The following DOCK10 variants were observed in gnomAD, a reference collection of about 807,000 sequenced individuals.
The protein encoded by DOCK10 is dedicator of cytokinesis protein 10.
Under a neutral mutation model 280.1 loss-of-function variants are expected in DOCK10, and 145 were observed. That is an observed-to-expected ratio of 0.52 (90% CI 0.45 to 0.59). The LOEUF is 0.59. DOCK10 is among the 20% of genes least tolerant of loss of function. The pLI is 0.00. For missense variants in DOCK10, 2,368 were observed against 2,651.7 expected (o/e 0.89, Z 2.35); for synonymous variants, 915 against 942.2 (o/e 0.97, Z 0.53).
At chr2:224,912,197 G>A (rs1483301679) in intron 3 of DOCK10, among the ~76,000 whole-genome samples, 8 of 150,874 alleles carry the variant, frequency 5.3e-5, no homozygotes, top group Non-Finnish European at 1.0e-4. Flanking sequence ...CTGGAATGAC[G>A]CGATCTCAGA....
intron 1 of DOCK10, chr2:224,983,595 T>G (rs1705861125): frequency 3.0e-6 from 1 of 332,818 alleles, no homozygotes; most frequent in Non-Finnish European, 6.1e-6. Context: ...TGCTGTAACG[T>G]GTGGCCGCCC....
intron 13 of DOCK10, 107 bp downstream of exon 13, chr2:224,864,446 G>A: frequency 9.2e-7 from 1 of 1,083,078 alleles, no homozygotes; most frequent in Non-Finnish European, 1.3e-6. Context: ...GGAGACAGAG[G>A]TTGCAGTGAG....
intron 4 of DOCK10, among the ~76,000 whole-genome samples, chr2:224,889,127 CTAT>C (rs1259496512): frequency 6.6e-6 from 1 of 152,180 alleles, no homozygotes; most frequent in African/African-American, 2.4e-5. Context: ...CTGAATCTGA[CTAT>C]TGAGAAAGGA....
In DOCK10 at chr2:224,770,225, C is replaced by A; in HGVS notation, c.6430G>T (p.Val2144Phe). The change falls in exon 55 of 56, where the codon GTC becomes TTC. Residue 2144 changes from valine to phenylalanine, a missense_variant. This residue lies in a region of DOCK10 where 1,159 missense variants were observed against 1,400.8 expected (regional missense o/e 0.83). Transcript: ENST00000258390. This position sits in a 1 kb window ranked among gnomAD's most constrained non-coding sequence, Gnocchi z 4.5. ...YKDMLSELST[V>F]MNEQITGRDD... Reference sequence around the variant, plus strand: ...GGAGCGCTCACCTGCTCATTCATGACTGTGGAGAGTTCGCTGAGCATGTCC... The same window carrying A: ...GGAGCGCTCACCTGCTCATTCATGAATGTGGAGAGTTCGCTGAGCATGTCC... The A allele has an allele frequency of 1.3e-6, 2 of 1,592,324 alleles. No individual in the cohort carries two copies. The highest frequency in any genetic ancestry group is 1.7e-6 in the Non-Finnish European group (2 of 1,170,044).
At chr2:225,018,933 A>T (rs1007288829) in intron 1 of DOCK10, among the ~76,000 whole-genome samples, 3 of 121,928 alleles carry the variant, frequency 2.5e-5, no homozygotes, top group African/African-American at 1.0e-4. Flanking sequence ...ATATAGTTAT[A>T]TATGTGTATA....
chr2:224,820,190 C>A (rs2125319387), intron 28 of DOCK10, among the ~76,000 whole-genome samples: 1 of 152,324 alleles, frequency 6.6e-6, no homozygotes, highest in South Asian at 2.1e-4. Flanking sequence ...CGTAAGATTT[C>A]TATCAGCGAG....
intron 41 of DOCK10, among the ~76,000 whole-genome samples, chr2:224,798,269 C>T (rs529880468): frequency 5.6e-4 from 85 of 152,224 alleles, no homozygotes; most frequent in African/African-American, 2.0e-3. Flanking sequence ...CATGTGAGCT[C>T]AAAGGGGCCT....
In DOCK10 at chr2:225,017,084, C is replaced by G. The variant is rs76790381; in HGVS notation, c.123+25168G>C. Among the ~76,000 whole-genome samples, 891 of 101,006 alleles carry G rather than the reference C, an allele frequency of 8.8e-3. 20 individuals are homozygous for G. The highest frequency in any genetic ancestry group is 0.032 in the African/African-American group (834 of 26,422). The allele number at this position is 101,006 out of a possible 152,430, so 66.3% of individuals were successfully genotyped here. A position where few individuals can be genotyped will look rare whatever the true frequency, so the allele number is the denominator to read the frequency against. The stretch of plus-strand genomic sequence containing the variant: ...CTTATATTTTTAAGTGTTGTAAACT[C>G]AAGATGAAACTGAATAAAATTAAAC... On this transcript the variant is annotated intron_variant, in intron 1 of 55. Coordinates refer to ENST00000258390, the MANE Select transcript of DOCK10 (RefSeq NM_014689.3).
rs1705048057 is a variant in DOCK10, at chr2:224,970,949, TAA to T, written c.124-39283_124-39282del. Among the ~76,000 whole-genome samples the T allele has an allele frequency of 6.6e-6, 1 of 152,154 alleles. No homozygotes were observed. The highest frequency in any genetic ancestry group is 1.5e-5 in the Non-Finnish European group (1 of 68,028). ...GAACTATAGCTCATTATTTCTGGAT[TAA>T]GAGGAGGAAATACCATGTAGTTAAA... On this transcript the variant is annotated intron_variant, in intron 1 of 55. Coordinates refer to ENST00000258390, the MANE Select transcript of DOCK10 (RefSeq NM_014689.3). This position sits in a 1 kb window ranked among gnomAD's most constrained non-coding sequence, Gnocchi z 4.6.
rs186783395 is a variant in DOCK10, at chr2:224,849,729, C to G, written c.2143-130G>C. 45 of 640,548 alleles carry G rather than the reference C, an allele frequency of 7.0e-5. No individual in the cohort carries two copies. In the East Asian group the frequency reaches 1.2e-3, roughly 17 times the overall value. The allele number at this position is 640,548 out of a possible 1,614,324, so 39.7% of individuals were successfully genotyped here. ...CTTTGTGATAACTTGCCAGGCTAAG[C>G]TGGCATCTAATTAACCTTGAACTTC... On this transcript the variant is annotated intron_variant, in intron 18 of 55. Transcript: ENST00000258390.
chr2:224,848,414 G>A (rs115692993), intron 19 of DOCK10, among the ~76,000 whole-genome samples: 2,206 of 152,210 alleles, frequency 0.014, 49 homozygotes, highest in African/African-American at 0.049. Context: ...TGTTTGTAAC[G>A]TAAGCTAACA....
chr2:225,037,304 C>A (rs1216441389), intron 1 of DOCK10, among the ~76,000 whole-genome samples: 1 of 152,084 alleles, frequency 6.6e-6, no homozygotes, highest in Non-Finnish European at 1.5e-5. Context: ...ATTAAGGGTA[C>A]CTGGAGCAGC....
intron 28 of DOCK10, among the ~76,000 whole-genome samples, chr2:224,820,287 C>T (rs1345925472): frequency 6.6e-6 from 1 of 152,236 alleles, no homozygotes; most frequent in Admixed American, 6.5e-5. Flanking sequence ...TGGAGGAGCA[C>T]TTGCTCTCTC....
At chr2:224,894,375 T>C (rs1372098673) in intron 4 of DOCK10, among the ~76,000 whole-genome samples, 1 of 151,970 alleles carries the variant, frequency 6.6e-6, no homozygotes. Context: ...CACTGAAGAG[T>C]GTAATGGACC....
intron 3 of DOCK10, among the ~76,000 whole-genome samples, chr2:224,913,920 A>G (rs1701175161): frequency 6.6e-6 from 1 of 151,500 alleles, no homozygotes; most frequent in Non-Finnish European, 1.5e-5. Context: ...TTGTATTTTT[A>G]GTAGAGACGG....
At chr2:224,794,301 C>G (rs1156251011) in intron 45 of DOCK10, among the ~76,000 whole-genome samples, 1 of 152,234 alleles carries the variant, frequency 6.6e-6, no homozygotes, top group Non-Finnish European at 1.5e-5. Flanking sequence ...CCATTTGGTA[C>G]TAAGAAGACC....
intron 1 of DOCK10, among the ~76,000 whole-genome samples, chr2:224,934,868 AT>A (rs1227612979): frequency 1.3e-5 from 2 of 152,196 alleles, no homozygotes; most frequent in Non-Finnish European, 2.9e-5. Flanking sequence ...TTTCTCTCAA[AT>A]GAGTAATGAA....
At chr2:225,011,073 T>C (rs1456071628) in intron 1 of DOCK10, among the ~76,000 whole-genome samples, 1 of 152,232 alleles carries the variant, frequency 6.6e-6, no homozygotes, top group Non-Finnish European at 1.5e-5. Flanking sequence ...AAAGCAAAAG[T>C]AGTGATGGAA....
intron 47 of DOCK10, 94 bp downstream of exon 47, chr2:224,792,880 T>C: frequency 1.0e-6 from 1 of 977,400 alleles, no homozygotes; most frequent in Non-Finnish European, 1.5e-6. Flanking sequence ...TTTTTGCTTC[T>C]AAGAATATAT....
Sources: gnomAD v4.1 joint callset for allele counts (sites outside exome capture counted in the v4.1 genomes callset) on GRCh38, gnomAD v4.1.1 for gene constraint, gnomAD v4.1.1 regional missense constraint, Gnocchi (gnomAD v3.1) non-coding constraint, MANE v1.5 for transcripts, NCBI Gene and HGNC (gene_info 2026-07-23, HGNC 2026-07-21) for gene names.